Variants in PXDNL observed in about 807,000 individuals in gnomAD.
The protein encoded by PXDNL is probable oxidoreductase PXDNL.
In PXDNL, 145 loss-of-function variants were observed where a neutral mutation model predicts 150.8. The ratio of observed to expected loss-of-function variants is 0.96; its 90% CI spans 0.84 to 1.10. PXDNL has a LOEUF of 1.10. Ranked by LOEUF, PXDNL falls within the 50% of genes least tolerant of loss-of-function variation. PXDNL has a pLI of 0.00. For synonymous variants in PXDNL, 757 were observed against 725.7 expected, an observed-to-expected ratio of 1.04 and a Z score of -0.69; for missense variants, 2,087 against 1,873.9, an observed-to-expected ratio of 1.11 and a Z score of -2.10.
chr8:51,706,534 A>C (rs1816381983), intron 1 of PXDNL, among the ~76,000 whole-genome samples: 1 of 152,224 alleles, frequency 6.6e-6, no homozygotes, highest in African/African-American at 2.4e-5. Context: ...TACTTATTTT[A>C]ACATAGTTAT....
chr8:51,632,783 A>G (rs901770917), intron 2 of PXDNL, among the ~76,000 whole-genome samples: 6 of 152,218 alleles, frequency 3.9e-5, no homozygotes, highest in African/African-American at 1.4e-4. Flanking sequence ...CCCTAACCAA[A>G]TAGAATGAAT....
intron 2 of PXDNL, among the ~76,000 whole-genome samples, chr8:51,600,172 A>T (rs1247501729): frequency 6.9e-6 from 1 of 144,786 alleles, no homozygotes; most frequent in Non-Finnish European, 1.5e-5. Context: ...TAGATAATAA[A>T]TTATACCTTA....
chr8:51,335,714 C>T (rs774364424), intron 21 of PXDNL, among the ~76,000 whole-genome samples: 5 of 151,632 alleles, frequency 3.3e-5, no homozygotes, highest in Non-Finnish European at 2.9e-5. Context: ...CACACACACA[C>T]ACACACATCC....
At chr8:51,589,298 A>T (rs1274752038) in intron 3 of PXDNL, among the ~76,000 whole-genome samples, 1 of 152,190 alleles carries the variant, frequency 6.6e-6, no homozygotes, top group Non-Finnish European at 1.5e-5. Flanking sequence ...CTGTTGTTCT[A>T]ACAGATACCA....
intron 4 of PXDNL, among the ~76,000 whole-genome samples, chr8:51,526,337 GT>G (rs10635094): frequency 8.0e-5 from 12 of 150,618 alleles, no homozygotes; most frequent in Admixed American, 2.0e-4. Flanking sequence ...TAGCTGATCT[GT>G]TTTTTTTTCT....
chr8:51,733,087 A>G (rs1816965196), intron 1 of PXDNL, among the ~76,000 whole-genome samples: 1 of 152,254 alleles, frequency 6.6e-6, no homozygotes, highest in Non-Finnish European at 1.5e-5. Context: ...TTCTGGCAAC[A>G]GTGCCTGTCA....
At chr8:51,510,788 G>C (rs909654839) in intron 4 of PXDNL, among the ~76,000 whole-genome samples, 1 of 152,178 alleles carries the variant, frequency 6.6e-6, no homozygotes, top group Non-Finnish European at 1.5e-5. Flanking sequence ...CTGAGGTCAG[G>C]AGTTTGTGAC....
At chr8:51,634,930 T>A (rs2130763271) in intron 2 of PXDNL, among the ~76,000 whole-genome samples, 1 of 152,258 alleles carries the variant, frequency 6.6e-6, no homozygotes, top group East Asian at 1.9e-4. Flanking sequence ...TGAAGACAGA[T>A]AATTTGACTT....
chr8:51,787,297 A>G (rs1003525029), intron 1 of PXDNL, among the ~76,000 whole-genome samples: 70 of 152,324 alleles, frequency 4.6e-4, no homozygotes, highest in African/African-American at 1.6e-3. Context: ...TACATTTCTT[A>G]TGGCTACAGC....
At chr8:51,706,058 C>T (rs545916700) in intron 1 of PXDNL, among the ~76,000 whole-genome samples, 1 of 152,266 alleles carries the variant, frequency 6.6e-6, no homozygotes, top group South Asian at 2.1e-4. Flanking sequence ...TGCCTATAAT[C>T]CCAGCACTTT....
At chr8:51,742,339 G>T (rs1203125787) in intron 1 of PXDNL, among the ~76,000 whole-genome samples, 1 of 152,164 alleles carries the variant, frequency 6.6e-6, no homozygotes, top group Non-Finnish European at 1.5e-5. Context: ...ATCTACTCAG[G>T]TGGTAAAGCT....
intron 3 of PXDNL, among the ~76,000 whole-genome samples, chr8:51,563,181 T>C (rs1812752165): frequency 6.6e-6 from 1 of 151,978 alleles, no homozygotes; most frequent in Non-Finnish European, 1.5e-5. Flanking sequence ...CAGGCTTCCA[T>C]AACAAAAGTA....
At chr8:51,365,987 G>C (rs560236666) in intron 19 of PXDNL, among the ~76,000 whole-genome samples, 14 of 152,316 alleles carry the variant, frequency 9.2e-5, no homozygotes, top group Middle Eastern at 6.8e-3. Context: ...CCTGTGAACA[G>C]TAGATTCCAA....
chr8:51,416,036 G>A (rs552099771), intron 14 of PXDNL, among the ~76,000 whole-genome samples: 14 of 152,252 alleles, frequency 9.2e-5, no homozygotes, highest in African/African-American at 3.4e-4. Flanking sequence ...AATCTGCACT[G>A]GCATGTATGA....
intron 4 of PXDNL, among the ~76,000 whole-genome samples, chr8:51,539,715 T>C (rs921435772): frequency 6.6e-6 from 1 of 152,328 alleles, no homozygotes; most frequent in Non-Finnish European, 1.5e-5. Context: ...AATATTTTCA[T>C]TTCATTAAGT....
At chr8:51,627,349 A>G (rs1814381958) in intron 2 of PXDNL, among the ~76,000 whole-genome samples, 1 of 152,204 alleles carries the variant, frequency 6.6e-6, no homozygotes, top group South Asian at 2.1e-4. Context: ...GCTATTTTTA[A>G]TTATTTGTAT....
At chr8:51,370,296 C>A (rs1221400237) in intron 19 of PXDNL, among the ~76,000 whole-genome samples, 1 of 152,166 alleles carries the variant, frequency 6.6e-6, no homozygotes, top group Non-Finnish European at 1.5e-5. Context: ...TGCTTCCTTG[C>A]AGGGCACTGC....
At chr8:51,382,313 A>T (rs567652545) in intron 17 of PXDNL, among the ~76,000 whole-genome samples, 8 of 152,280 alleles carry the variant, frequency 5.3e-5, no homozygotes, top group Non-Finnish European at 1.0e-4. Flanking sequence ...GTCCTGAGGA[A>T]GCGTGGCCCT....
chr8:51,555,027 T>C (rs1461759741), intron 4 of PXDNL, among the ~76,000 whole-genome samples: 2 of 152,222 alleles, frequency 1.3e-5, no homozygotes, highest in African/African-American at 2.4e-5. Context: ...ACCCTACTCT[T>C]TGATACCAAT....
Sources: allele counts gnomAD v4.1 joint callset (sites outside exome capture counted in the v4.1 genomes callset), GRCh38; gene constraint gnomAD v4.1.1; transcripts MANE v1.5; gene names NCBI Gene and HGNC (gene_info 2026-07-23, HGNC 2026-07-21).